The following PPP6C variants were observed in gnomAD, a reference collection of about 807,000 sequenced individuals.
PPP6C encodes protein phosphatase 6 catalytic subunit, also known as serine/threonine-protein phosphatase 6 catalytic subunit.
PPP6C carries 11 observed loss-of-function variants against 39.8 expected under a neutral mutation model. The observed-to-expected ratio is 0.28, with a 90% CI of 0.17 to 0.46. The LOEUF is 0.46. Among genes scored for constraint, PPP6C ranks in the 20% least tolerant of loss-of-function variants. PPP6C has a pLI of 1.00. For missense variants in PPP6C, 211 were observed against 373.9 expected (o/e 0.56, Z 3.59); for synonymous variants, 129 against 130.3 (o/e 0.99, Z 0.07).
chr9:125,171,492 T>C (rs1427226918), intron 1 of PPP6C, among the ~76,000 whole-genome samples: 26 of 93,338 alleles, frequency 2.8e-4, no homozygotes, highest in South Asian at 1.4e-3. Context: ...TATATATATA[T>C]ATATATATAT....
At chr9:125,155,776 G>A (rs1222696063) in intron 4 of PPP6C, among the ~76,000 whole-genome samples, 2 of 151,884 alleles carry the variant, frequency 1.3e-5, no homozygotes, top group African/African-American at 4.8e-5. Context: ...ATGGTGGCGG[G>A]CGCCTGTAGT....
chr9:125,150,056 A>C, intron 6 of PPP6C, 135 bp from the exon 7 acceptor site: 1 of 1,204,844 alleles, frequency 8.3e-7, no homozygotes, highest in Non-Finnish European at 1.1e-6. Context: ...AATTATCTCC[A>C]ACAATTTAAT....
intron 6 of PPP6C, 91 bp downstream of exon 6, chr9:125,153,442 A>G: frequency 8.3e-7 from 1 of 1,199,206 alleles, no homozygotes; most frequent in South Asian, 1.4e-5. Flanking sequence ...TGAGTAAGCT[A>G]GACTACAAGT....
intron 6 of PPP6C, 91 bp downstream of exon 6, chr9:125,153,442 A>T (rs1051118588): frequency 2.5e-6 from 3 of 1,199,206 alleles, no homozygotes; most frequent in Non-Finnish European, 3.6e-6. Flanking sequence ...TGAGTAAGCT[A>T]GACTACAAGT....
At position 125,160,858 on chromosome 9, in the gene PPP6C, T is replaced by C. The variant is rs754852483; in HGVS notation, c.220A>G (p.Thr74Ala). 5 of 1,593,738 alleles carry C rather than the reference T, an allele frequency of 3.1e-6. No homozygotes were observed. The highest frequency in any genetic ancestry group is 4.3e-6 in the Non-Finnish European group (5 of 1,171,746). The change falls in exon 3 of 7, where the codon ACA (threonine) becomes GCA (alanine). Residue 74 changes from threonine (T) to alanine (A), a missense_variant. Transcript: ENST00000373547. ...LFRTGGQVPD[T>A]NYIFMGDFVD... ...TTACATACCATAAATATGTAGTTTG[T>C]GTCAGGAACCTGACCTCCAGTTCTG...
chr9:125,161,443 ATTTT>A (rs1828874885), intron 2 of PPP6C, among the ~76,000 whole-genome samples: 1 of 151,946 alleles, frequency 6.6e-6, no homozygotes, highest in Middle Eastern at 3.2e-3. Context: ...ATTTCATCAT[ATTTT>A]TTGTTTTTTG....
chr9:125,171,258 C>A, intron 1 of PPP6C, 78 bp from the exon 2 acceptor site: 1 of 1,173,668 alleles, frequency 8.5e-7, no homozygotes. Flanking sequence ...AAGAAAAATA[C>A]CAGGTCTAAT....
intron 3 of PPP6C, among the ~76,000 whole-genome samples, chr9:125,159,200 G>C (rs575702519): frequency 6.8e-6 from 1 of 147,118 alleles, no homozygotes; most frequent in African/African-American, 2.5e-5. Flanking sequence ...CACCAAGCCC[G>C]GCTAATTTTG....
chr9:125,169,341 C>T (rs1768423956), intron 2 of PPP6C, among the ~76,000 whole-genome samples: 1 of 152,166 alleles, frequency 6.6e-6, no homozygotes, highest in African/African-American at 2.4e-5. Context: ...GCAAGAACTG[C>T]ACATTTGACT....
At chr9:125,171,460 TAC>T (rs138335451) in intron 1 of PPP6C, among the ~76,000 whole-genome samples, 3,979 of 95,000 alleles carry the variant, frequency 0.042, 104 homozygotes, top group Middle Eastern at 0.058. Context: ...CACACACATA[TAC>T]ACACACACAC....
At chr9:125,189,451 C>A (rs1829613390) in intron 1 of PPP6C, 193 bp downstream of exon 1, 2 of 1,413,142 alleles carry the variant, frequency 1.4e-6, no homozygotes, top group African/African-American at 2.9e-5. Flanking sequence ...CCCACTGAGG[C>A]AACCGGGACA....
At chr9:125,184,214 C>G (rs1829476385) in intron 1 of PPP6C, among the ~76,000 whole-genome samples, 1 of 152,010 alleles carries the variant, frequency 6.6e-6, no homozygotes, top group Non-Finnish European at 1.5e-5. Flanking sequence ...AGTGAAACCC[C>G]ATCTTTACCA....
At chr9:125,189,512 C>G in intron 1 of PPP6C, 132 bp downstream of exon 1, 1 of 1,484,936 alleles carries the variant, frequency 6.7e-7, no homozygotes, top group Non-Finnish European at 8.9e-7. Context: ...CGGGTAGGAC[C>G]GGGTCGACTG....
chr9:125,147,726 A>G lies in PPP6C; in HGVS notation c.*1947T>C, dbSNP rs1238951392. ...ATCAATCTAAGCTAAGGAGTGTCAA[A>G]CAGGGAGGGCTGGGAGTTACCGGTT... On this transcript the variant is annotated 3_prime_UTR_variant, in exon 7 of 7. Coordinates refer to ENST00000373547, the MANE Select transcript of PPP6C (RefSeq NM_002721.5). 1 of 152,190 alleles carries G rather than the reference A, an allele frequency of 6.6e-6. No individual in the cohort carries two copies. The highest frequency in any genetic ancestry group is 1.5e-5 in the Non-Finnish European group (1 of 68,018). 9.4% of individuals were successfully genotyped at this position (152,190 alleles called of 1,614,324 possible). A position where few individuals can be genotyped will look rare whatever the true frequency, so the allele number is the denominator to read the frequency against.
At chr9:125,153,511 T>C (rs2131299559) in intron 6 of PPP6C, 22 bp downstream of exon 6, 2 of 1,609,060 alleles carry the variant, frequency 1.2e-6, no homozygotes, top group East Asian at 4.5e-5. Flanking sequence ...ACAAATTACA[T>C]TTCCAAAAAT....
At chr9:125,158,708 C>A (rs1022170432) in intron 3 of PPP6C, among the ~76,000 whole-genome samples, 1 of 151,646 alleles carries the variant, frequency 6.6e-6, no homozygotes, top group Admixed American at 6.6e-5. Flanking sequence ...GTCACCCAGG[C>A]TGGAGTGCAG....
intron 1 of PPP6C, among the ~76,000 whole-genome samples, chr9:125,171,460 TACACACACACAC>T (rs138335451): frequency 4.1e-4 from 39 of 95,630 alleles, no homozygotes; most frequent in South Asian, 1.7e-3. Context: ...CACACACATA[TACACACACACAC>T]ACACACATAT....
chr9:125,147,998 G>C lies in PPP6C; in HGVS notation c.*1675C>G, dbSNP rs1835849881. Reference sequence around the variant, plus strand: ...ACTGACCCAACATTAGTTCAAGTGTGTGCAGCAAATGTCTTAGCCACCTCT... The same window carrying C: ...ACTGACCCAACATTAGTTCAAGTGTCTGCAGCAAATGTCTTAGCCACCTCT... On this transcript the variant is annotated 3_prime_UTR_variant, in exon 7 of 7. Coordinates refer to ENST00000373547, the MANE Select transcript of PPP6C (RefSeq NM_002721.5). 1 of 186,168 alleles carries C rather than the reference G, an allele frequency of 5.4e-6. No homozygotes were observed. The highest frequency in any genetic ancestry group is 2.4e-5 in the African/African-American group (1 of 41,564). 11.5% of individuals were successfully genotyped at this position (186,168 alleles called of 1,614,324 possible).
At chr9:125,157,984 C>T (rs769361174) in intron 4 of PPP6C, among the ~76,000 whole-genome samples, 31 of 152,032 alleles carry the variant, frequency 2.0e-4, no homozygotes, top group Non-Finnish European at 3.7e-4. Flanking sequence ...CCACCCCACC[C>T]GGCCGGCAAT....
Sources: gnomAD v4.1 joint callset for allele counts (sites outside exome capture counted in the v4.1 genomes callset) on GRCh38, gnomAD v4.1.1 for gene constraint, MANE v1.5 for transcripts, NCBI Gene and HGNC (gene_info 2026-07-23, HGNC 2026-07-21) for gene names.